The following ATP8A2 variants were observed in gnomAD, a reference collection of about 807,000 sequenced individuals.
The protein encoded by ATP8A2 is phospholipid-transporting ATPase IB.
ATP8A2 carries 100 observed loss-of-function variants against 165.6 expected under a neutral mutation model. The ratio of observed to expected loss-of-function variants is 0.60; its 90% confidence interval spans 0.51 to 0.71. The LOEUF (loss-of-function observed/expected upper bound fraction) is 0.71. ATP8A2 is among the 30% of genes least tolerant of loss of function. The probability of loss-of-function intolerance (pLI) is 0.00; values close to 1 mark genes in which losing one functional copy is unlikely to be tolerated. For missense variants in ATP8A2, 1,227 were observed against 1,479.5 expected, an observed-to-expected ratio of 0.83 and a Z score of 2.80; for synonymous variants, 543 against 548.8, an observed-to-expected ratio of 0.99 and a Z score of 0.15.
At chr13:25,414,780 G>T (rs1280009413) in intron 1 of ATP8A2, among the ~76,000 whole-genome samples, 1 of 152,202 alleles carries the variant, frequency 6.6e-6, no homozygotes, top group African/African-American at 2.4e-5. Context: ...CCAAGTTGTG[G>T]TTAATTACCT....
At position 25,480,399 on chromosome 13, in the gene ATP8A2, C is replaced by T. The variant is rs1264596505; in HGVS notation, c.221+11278C>T. Among the ~76,000 whole-genome samples, 16 of 150,702 alleles carry T rather than the reference C, an allele frequency of 1.1e-4. No homozygotes were observed. In the East Asian group the frequency reaches 1.2e-3, roughly 11 times the overall value. On this transcript the variant is annotated intron_variant, in intron 2 of 36. Transcript: ENST00000381655. ...GCGGAGGGGCTCCTCACTTCTCAGA[C>T]GGGGCGGTTGCCAGGCGGAGAGTCT...
intron 24 of ATP8A2, among the ~76,000 whole-genome samples, chr13:25,630,826 A>G (rs185405473): frequency 6.6e-6 from 1 of 151,756 alleles, no homozygotes; most frequent in Admixed American, 6.6e-5. Flanking sequence ...AGGCAACTGC[A>G]TCATCTATTA....
At chr13:25,648,480 G>A (rs114801382) in intron 24 of ATP8A2, among the ~76,000 whole-genome samples, 5,251 of 152,144 alleles carry the variant, frequency 0.035, 157 homozygotes, top group East Asian at 0.13. Flanking sequence ...CCTGGCCAAC[G>A]TAGTGAAACC....
intron 33 of ATP8A2, among the ~76,000 whole-genome samples, chr13:25,922,920 A>T (rs953456829): frequency 6.6e-6 from 1 of 152,176 alleles, no homozygotes; most frequent in African/African-American, 2.4e-5. Context: ...TAGGAAGCCC[A>T]GGAGATGCCT....
intron 27 of ATP8A2, among the ~76,000 whole-genome samples, chr13:25,816,374 C>A (rs1951020031): frequency 6.6e-6 from 1 of 152,190 alleles, no homozygotes; most frequent in African/African-American, 2.4e-5. Flanking sequence ...AGCCACCTGG[C>A]AGCTCACACC....
At chr13:25,741,185 T>C (rs1170813443) in intron 25 of ATP8A2, among the ~76,000 whole-genome samples, 3 of 152,218 alleles carry the variant, frequency 2.0e-5, no homozygotes, top group Non-Finnish European at 2.9e-5. Context: ...TCAAAAATCA[T>C]GGAAATTTTG....
chr13:25,674,287 A>G (rs1363095695), intron 24 of ATP8A2, among the ~76,000 whole-genome samples: 1 of 151,874 alleles, frequency 6.6e-6, no homozygotes, highest in African/African-American at 2.4e-5. Context: ...AACTAAATCT[A>G]TAAGGACCTT....
chr13:25,644,827 T>C (rs2041628568), intron 24 of ATP8A2, among the ~76,000 whole-genome samples: 1 of 152,176 alleles, frequency 6.6e-6, no homozygotes, highest in Admixed American at 6.6e-5. Flanking sequence ...AGGTTATCCA[T>C]TTTTGGGGAA....
intron 2 of ATP8A2, among the ~76,000 whole-genome samples, chr13:25,513,082 G>A (rs1468755767): frequency 3.3e-5 from 5 of 151,886 alleles, no homozygotes; most frequent in East Asian, 2.0e-4. Flanking sequence ...CCTCCCGGAC[G>A]GGGTGGCTGC....
intron 28 of ATP8A2, among the ~76,000 whole-genome samples, chr13:25,829,419 C>T (rs1258091522): frequency 2.6e-5 from 4 of 151,856 alleles, no homozygotes; most frequent in Non-Finnish European, 4.4e-5. Context: ...GGCTCCAGGG[C>T]CTCCCCTTTG....
At chr13:25,635,135 T>A (rs2041338031) in intron 24 of ATP8A2, among the ~76,000 whole-genome samples, 1 of 152,192 alleles carries the variant, frequency 6.6e-6, no homozygotes, top group Non-Finnish European at 1.5e-5. Flanking sequence ...AAGACCAAAG[T>A]CACCATGCTC....
chr13:25,921,329 G>T (rs1234822645), intron 33 of ATP8A2, among the ~76,000 whole-genome samples: 1 of 151,920 alleles, frequency 6.6e-6, no homozygotes, highest in African/African-American at 2.4e-5. Context: ...CAGAAAAACT[G>T]AGTTGAGGCC....
intron 33 of ATP8A2, among the ~76,000 whole-genome samples, chr13:25,933,776 C>T (rs557271458): frequency 6.6e-6 from 1 of 152,332 alleles, no homozygotes; most frequent in East Asian, 1.9e-4. Context: ...CTGGCTTACC[C>T]AGAGTACATT....
chr13:25,837,313 C>T (rs1447244534), intron 29 of ATP8A2, 28 bp downstream of exon 29: 11 of 1,612,074 alleles, frequency 6.8e-6, no homozygotes, highest in Admixed American at 5.0e-5. Context: ...TCAGAACTGT[C>T]ACCTCAGAAA....
chr13:25,818,000 A>G (rs1566169875), intron 27 of ATP8A2, among the ~76,000 whole-genome samples: 1 of 151,968 alleles, frequency 6.6e-6, no homozygotes, highest in Non-Finnish European at 1.5e-5. Context: ...TTTAAACATA[A>G]CCTAGATTTC....
chr13:25,752,984 T>G (rs1160069828), intron 25 of ATP8A2, among the ~76,000 whole-genome samples: 1 of 152,138 alleles, frequency 6.6e-6, no homozygotes, highest in Non-Finnish European at 1.5e-5. Flanking sequence ...ATAGGTCATC[T>G]CTCCCCTCTT....
chr13:25,633,361 C>T (rs2041292074), intron 24 of ATP8A2, among the ~76,000 whole-genome samples: 1 of 152,064 alleles, frequency 6.6e-6, no homozygotes. Context: ...TCTCAGACTT[C>T]AAGGACAGAT....
chr13:25,870,849 T>C (rs1952655972), intron 33 of ATP8A2, among the ~76,000 whole-genome samples: 1 of 152,250 alleles, frequency 6.6e-6, no homozygotes, highest in Non-Finnish European at 1.5e-5. Flanking sequence ...AAAATATGAA[T>C]GTTGAGTTAG....
chr13:25,940,256 G>A (rs1450571184), intron 33 of ATP8A2, among the ~76,000 whole-genome samples: 2 of 151,808 alleles, frequency 1.3e-5, no homozygotes, highest in East Asian at 1.9e-4. Context: ...CGTCCTCCTC[G>A]CCACCCTGGA....
Sources: gnomAD v4.1 joint callset for allele counts (sites outside exome capture counted in the v4.1 genomes callset) on GRCh38, gnomAD v4.1.1 for gene constraint, MANE v1.5 for transcripts, NCBI Gene and HGNC (gene_info 2026-07-23, HGNC 2026-07-21) for gene names.